Variants in RENBP observed in about 807,000 individuals in gnomAD.
RENBP encodes the protein renin binding protein, also known as N-acylglucosamine 2-epimerase.
In RENBP, 16 loss-of-function variants were observed where a neutral mutation model predicts 37.8. The ratio of observed to expected loss-of-function variants is 0.42; its 90% CI spans 0.29 to 0.64. The LOEUF is 0.64. Among genes scored for constraint, RENBP ranks in the 30% least tolerant of loss-of-function variants. The probability of loss-of-function intolerance (pLI) is 0.19; values close to 1 mark genes in which losing one functional copy is unlikely to be tolerated. For synonymous variants in RENBP, 170 were observed against 154.8 expected, an observed-to-expected ratio of 1.10 and a Z score of -0.73; for missense variants, 347 against 379.5, an observed-to-expected ratio of 0.91 and a Z score of 0.71.
intron 8 of RENBP, among the ~76,000 whole-genome samples, chrX:153,941,063 C>G (rs1324167860): frequency 1.0e-5 from 1 of 100,267 alleles, no homozygotes; most frequent in African/African-American, 3.8e-5. Flanking sequence ...CGCTTGAACC[C>G]GGGAAGCAGA....
intron 6 of RENBP, chrX:153,942,232 T>TTG (rs1557109698): frequency 5.3e-6 from 1 of 188,040 alleles, no homozygotes; most frequent in Non-Finnish European, 8.7e-6. Context: ...AAGTTGTTGT[T>TTG]TTTTTTTTTT....
At position 153,941,659 on chromosome X, in the gene RENBP, G is replaced by T; in HGVS notation, c.770-6C>A. The T allele has an allele frequency of 1.1e-6, 1 of 941,018 alleles. No individual in the cohort carries two copies. Among genetic ancestry groups the T allele is most frequent in the Non-Finnish European group, 1.4e-6 (1 of 708,653 alleles). The allele number at this position is 941,018 out of a possible 1,213,427, so 77.6% of individuals were successfully genotyped here. A position where few individuals can be genotyped will look rare whatever the true frequency, so the allele number is the denominator to read the frequency against. The stretch of plus-strand genomic sequence containing the variant: ...GCCGGCTTCCAGCGTGTGGCCTGGT[G>T]AGGGGTGGAGTACGGAAGGGCGGGG... On this transcript the variant is annotated splice_polypyrimidine_tract_variant and splice_region_variant and intron_variant, in intron 7 of 10. Transcript: ENST00000393700.
rs368801000 is a variant in RENBP, at chrX:153,943,982, G to A, written c.214-12C>T. 105 of 1,204,418 alleles carry A rather than the reference G, an allele frequency of 8.7e-5. 1 individual carries two copies. The East Asian group carries it at 1.3e-3, about 15-fold the overall frequency. ...CAATACATCCATACCTGCGGGGTAC[G>A]GGAGGGAAAGTGGCTTAAGTGGCCG... On this transcript the variant is annotated splice_polypyrimidine_tract_variant and intron_variant, in intron 3 of 10. Transcript: ENST00000393700.
intron 7 of RENBP, 25 bp downstream of exon 7, chrX:153,941,925 G>GCGCGCCCCC: frequency 2.8e-6 from 2 of 708,486 alleles, no homozygotes; most frequent in Non-Finnish European, 4.6e-6. Flanking sequence ...CTCCTGGGTG[G>GCGCGCCCCC]CCCCCAGCCC....
chrX:153,938,170 T>C (rs2065211159), intron 9 of RENBP, among the ~76,000 whole-genome samples: 1 of 112,862 alleles, frequency 8.9e-6, no homozygotes, highest in Admixed American at 9.4e-5. Context: ...TATTAAGATA[T>C]AGCTGCAGGT....
At chrX:153,937,231 A>AATAAATAAATAAATAT (rs1448353212) in intron 9 of RENBP, 1 of 116,193 alleles carries the variant, frequency 8.6e-6, no homozygotes, top group East Asian at 2.7e-4. Flanking sequence ...TAAATAAATA[A>AATAAATAAATAAATAT]ATAAATAAAT....
Position 153,935,283 on chromosome X carries a change from C to G in RENBP, c.*3G>C. On this transcript the variant is annotated 3_prime_UTR_variant, in exon 11 of 11. Transcript: ENST00000393700. Reference sequence around the variant, plus strand: ...ACAGCCGCAGGTGGAGCGGACTCAGCCTTTATTCCGCGCCTCGGCAGGCGG... The same window carrying G: ...ACAGCCGCAGGTGGAGCGGACTCAGGCTTTATTCCGCGCCTCGGCAGGCGG... 1 of 820,278 alleles carries G rather than the reference C, an allele frequency of 1.2e-6. No individual in the cohort carries two copies. The highest frequency in any genetic ancestry group is 2.2e-5 in the African/African-American group (1 of 45,932). 67.6% of individuals were successfully genotyped at this position (820,278 alleles called of 1,213,427 possible).
intron 2 of RENBP, 76 bp from the exon 3 acceptor site, chrX:153,944,231 T>C (rs1014007649): frequency 1.7e-6 from 2 of 1,172,567 alleles, no homozygotes; most frequent in Admixed American, 4.4e-5. Flanking sequence ...CCAGCAAATC[T>C]GTGAGGTGCC....
At chrX:153,940,256 C>G (rs201077521) in intron 8 of RENBP, 23 bp from the exon 9 acceptor site, 116 of 1,207,060 alleles carry the variant, frequency 9.6e-5, no homozygotes, top group South Asian at 6.0e-4. Flanking sequence ...CAGGGGCAGG[C>G]ATCTCAGCAG....
chrX:153,935,429 T>C, intron 10 of RENBP, 25 bp from the exon 11 acceptor site: 1 of 1,144,968 alleles, frequency 8.7e-7, no homozygotes, highest in Non-Finnish European at 1.2e-6. Context: ...GGGCAGGTAG[T>C]GAGGGCCGGG....
chrX:153,943,420 A>T, intron 5 of RENBP, 126 bp downstream of exon 5: 1 of 691,276 alleles, frequency 1.4e-6, no homozygotes, highest in Non-Finnish European at 2.2e-6. Context: ...GAGCGTTCAG[A>T]GGTGAAGGGG....
At position 153,943,938 on chromosome X, in the gene RENBP, G is replaced by A. The variant is rs372748407; in HGVS notation, c.246C>T (p.Phe82=). The A allele has an allele frequency of 8.4e-6, 10 of 1,189,839 alleles. No individual in the cohort carries two copies. The highest frequency in any genetic ancestry group is 1.1e-5 in the Non-Finnish European group (10 of 884,448). The change falls in exon 4 of 11, where the codon TTC becomes TTT. Residue 82 remains phenylalanine, a synonymous_variant. Transcript: ENST00000393700. The part of the protein sequence containing the change: ...VWMYCRLYRT[F]ERFRHAQLLD... ...GAAGCTGAGCATGGCGGAAGCGCTC[G>A]AAAGTGCGGTACAGGCGACAATACA...
chrX:153,939,821 C>T (rs1452432697), intron 9 of RENBP, among the ~76,000 whole-genome samples: 1 of 108,634 alleles, frequency 9.2e-6, no homozygotes, highest in African/African-American at 3.4e-5. Flanking sequence ...TAGGAAAGAG[C>T]CCCCCCACAA....
chrX:153,941,690 G>A (rs1557109584), intron 7 of RENBP, 37 bp from the exon 8 acceptor site: 1 of 224,606 alleles, frequency 4.5e-6, no homozygotes, highest in East Asian at 1.5e-4. Context: ...CGGGGGGCGG[G>A]GGGTGGGGTT....
intron 5 of RENBP, 132 bp downstream of exon 5, chrX:153,943,414 G>T: frequency 3.0e-6 from 2 of 669,499 alleles, no homozygotes; most frequent in Non-Finnish European, 4.5e-6. Flanking sequence ...GTAGGGGAGC[G>T]TTCAGAGGTG....
intron 8 of RENBP, among the ~76,000 whole-genome samples, chrX:153,940,578 G>A (rs939145509): frequency 2.7e-5 from 3 of 111,640 alleles, no homozygotes; most frequent in Non-Finnish European, 5.6e-5. Flanking sequence ...ATTCCCAGAC[G>A]GCTGAGGCAT....
intron 6 of RENBP, chrX:153,942,433 C>T (rs1449097672): frequency 5.3e-6 from 1 of 188,442 alleles, no homozygotes; most frequent in Non-Finnish European, 9.6e-6. Context: ...GACGGGGTTT[C>T]ACTATATTGG....
At position 153,935,374 on chromosome X, in the gene RENBP, A is replaced by G. The variant is rs782459670; in HGVS notation, c.1196T>C (p.Met399Thr). 6 of 1,128,918 alleles carry G rather than the reference A, an allele frequency of 5.3e-6. No individual in the cohort carries two copies. The South Asian group carries it at 8.6e-5, about 16-fold the overall frequency. The allele number at this position is 1,128,918 out of a possible 1,213,427, so 93.0% of individuals were successfully genotyped here. A position where few individuals can be genotyped will look rare whatever the true frequency, so the allele number is the denominator to read the frequency against. Residue 399 changes from methionine (M) to threonine (T), a missense_variant, in exon 11 of 11, where the codon ATG becomes ACG. Around this residue, in one of 3 missense-constraint regions of RENBP, gnomAD observed 91 missense variants for 67.7 expected, o/e 1.34. Transcript: ENST00000393700. ...GCFHVPRCLA[M>T]CEEMLGALLS... ...CAGGGCGCCCAGCATCTCCTCGCAC[A>G]TGGCTAGGCACCGCGGCACGTGGAA... is the stretch of plus-strand genomic sequence containing the variant.
chrX:153,939,781 C>G (rs1392413301), intron 9 of RENBP, among the ~76,000 whole-genome samples: 1 of 109,343 alleles, frequency 9.1e-6, no homozygotes, highest in East Asian at 2.8e-4. Flanking sequence ...TGACTCGGCC[C>G]CTGCTCAGTG....
Sources: gnomAD v4.1 joint callset for allele counts (sites outside exome capture counted in the v4.1 genomes callset) on GRCh38, gnomAD v4.1.1 for gene constraint, gnomAD v4.1.1 regional missense constraint, MANE v1.5 for transcripts, NCBI Gene and HGNC (gene_info 2026-07-23, HGNC 2026-07-21) for gene names.